Variants in SF3A1 observed in about 807,000 individuals in gnomAD.
The protein encoded by SF3A1 is splicing factor 3a subunit 1, also known as SAP 114.
SF3A1 carries 13 observed loss-of-function variants against 89.9 expected under a neutral mutation model. That is an observed-to-expected ratio of 0.14 (90% CI 0.09 to 0.23). The LOEUF (loss-of-function observed/expected upper bound fraction) is 0.23, where lower values mean the gene tolerates loss of function less well. Among genes scored for constraint, SF3A1 ranks in the 10% least tolerant of loss-of-function variants. The probability of loss-of-function intolerance (pLI) is 1.00; values close to 1 mark genes in which losing one functional copy is unlikely to be tolerated. For synonymous variants in SF3A1, 405 were observed against 374.4 expected (o/e 1.08, Z -0.94); for missense variants, 604 against 1,022.1 (o/e 0.59, Z 5.58).
chr22:30,352,947 T>C lies in SF3A1; in HGVS notation c.185+4A>G. On this transcript the variant is annotated splice_donor_region_variant and intron_variant, in intron 2 of 15. Coordinates refer to ENST00000215793, the MANE Select transcript of SF3A1 (RefSeq NM_005877.6). Reference sequence around the variant, plus strand: ...CCTCTGACCCACCCAAGTAGCTCTGTTACCTGGCCACAAAGCTGGCAGTCT... The same window carrying C: ...CCTCTGACCCACCCAAGTAGCTCTGCTACCTGGCCACAAAGCTGGCAGTCT... 6.2e-7 allele frequency: 1 copy of C among 1,614,056 alleles called. No homozygotes were observed. Among genetic ancestry groups the C allele is most frequent in the Non-Finnish European group, 8.5e-7 (1 of 1,179,908 alleles).
At chr22:30,347,535 A>G (rs1201533858) in intron 2 of SF3A1, among the ~76,000 whole-genome samples, 5 of 152,182 alleles carry the variant, frequency 3.3e-5, no homozygotes, top group African/African-American at 1.2e-4. Flanking sequence ...CCATGTCCCC[A>G]GCAAGCCTTC....
intron 1 of SF3A1, among the ~76,000 whole-genome samples, chr22:30,355,873 T>C (rs548290674): frequency 1.6e-5 from 2 of 127,536 alleles, no homozygotes; most frequent in South Asian, 2.6e-4. Context: ...ATGTGTTCAA[T>C]AAATATTTGC....
chr22:30,347,547 A>G (rs1267927074), intron 2 of SF3A1, among the ~76,000 whole-genome samples: 1 of 152,184 alleles, frequency 6.6e-6, no homozygotes, highest in Non-Finnish European at 1.5e-5. Flanking sequence ...CAAGCCTTCA[A>G]AACCTCAGGA....
intron 2 of SF3A1, among the ~76,000 whole-genome samples, chr22:30,350,153 C>T (rs1931541931): frequency 6.6e-6 from 1 of 151,826 alleles, no homozygotes; most frequent in South Asian, 2.1e-4. Flanking sequence ...GCTTAATTTG[C>T]CAAAATGAAA....
chr22:30,340,628 G>A lies in SF3A1; in HGVS notation c.1189+67C>T, dbSNP rs534546801. 358 of 1,010,632 alleles carry A rather than the reference G, an allele frequency of 3.5e-4. 1 individual carries two copies. The highest frequency in any genetic ancestry group is 4.9e-4 in the Non-Finnish European group (319 of 646,510). 62.6% of individuals were successfully genotyped at this position (1,010,632 alleles called of 1,614,324 possible). A position where few individuals can be genotyped will look rare whatever the true frequency, so the allele number is the denominator to read the frequency against. On this transcript the variant is annotated intron_variant, in intron 8 of 15. Transcript: ENST00000215793. ...CAAGCCCTCCTAGAAAGACGGGTGT[G>A]AGGAACACATGAGGGCACACAGGAC...
At chr22:30,356,174 C>T (rs903849705) in intron 1 of SF3A1, among the ~76,000 whole-genome samples, 2 of 152,190 alleles carry the variant, frequency 1.3e-5, no homozygotes, top group Admixed American at 6.5e-5. Context: ...TGAGCATTCT[C>T]ATATGTCTGT....
At chr22:30,348,083 G>A (rs976509501) in intron 2 of SF3A1, among the ~76,000 whole-genome samples, 12 of 152,190 alleles carry the variant, frequency 7.9e-5, no homozygotes, top group African/African-American at 2.7e-4. Context: ...GCGCTTAAGC[G>A]CCTTGGCCTC....
At chr22:30,335,279 C>T (rs558821756) in intron 15 of SF3A1, among the ~76,000 whole-genome samples, 188 bp downstream of exon 15, 7 of 152,266 alleles carry the variant, frequency 4.6e-5, no homozygotes, top group African/African-American at 1.7e-4. Flanking sequence ...GTGACCCCAC[C>T]AGAGCCTTGC....
chr22:30,345,218 G>A (rs1050209810), intron 3 of SF3A1, 28 bp from the exon 4 acceptor site: 2 of 1,602,478 alleles, frequency 1.2e-6, no homozygotes, highest in African/African-American at 2.7e-5. Flanking sequence ...TATGAGGCGA[G>A]AGGCACAGGG....
At chr22:30,339,075 A>C (rs1391555491) in intron 10 of SF3A1, 41 bp from the exon 11 acceptor site, 1 of 1,613,840 alleles carries the variant, frequency 6.2e-7, no homozygotes, top group South Asian at 1.1e-5. Flanking sequence ...TGGAACTAAG[A>C]CCAAGTATGG....
intron 12 of SF3A1, 120 bp from the exon 13 acceptor site, chr22:30,337,300 G>T: frequency 2.0e-6 from 2 of 1,004,182 alleles, no homozygotes; most frequent in Non-Finnish European, 2.9e-6. Flanking sequence ...GTCAAGTGCT[G>T]TTCCCTGCTA....
Position 30,342,333 on chromosome 22 carries a change from T to C in SF3A1, c.744A>G (p.Glu248=), listed in dbSNP as rs755468248. ...EVLDQVCYRV[E]WAKFQERERK... ...TCTCACGTTCCTGGAATTTGGCCCATTCCACTCGGTAACACACCTGCAGAG... is the reference window on the plus strand; with the variant it reads ...TCTCACGTTCCTGGAATTTGGCCCACTCCACTCGGTAACACACCTGCAGAG... Residue 248 remains glutamate, a synonymous_variant, in exon 6 of 16, where the codon GAA becomes GAG. Transcript: ENST00000215793. 1.2e-6 allele frequency: 2 copies of C among 1,610,524 alleles called. No homozygotes were observed. Among genetic ancestry groups the C allele is most frequent in the South Asian group, 2.2e-5 (2 of 90,446 alleles).
chr22:30,335,184 C>G (rs1442701575), intron 15 of SF3A1, among the ~76,000 whole-genome samples: 1 of 152,186 alleles, frequency 6.6e-6, no homozygotes, highest in Non-Finnish European at 1.5e-5. Context: ...AGGAACCCAC[C>G]AGAGCATGCC....
At chr22:30,351,689 G>C (rs1432693722) in intron 2 of SF3A1, among the ~76,000 whole-genome samples, 1 of 152,040 alleles carries the variant, frequency 6.6e-6, no homozygotes, top group African/African-American at 2.4e-5. Context: ...TTGTAGACAG[G>C]GTCTCACTAT....
chr22:30,356,485 G>A, intron 1 of SF3A1: 1 of 393,628 alleles, frequency 2.5e-6, no homozygotes, highest in Non-Finnish European at 4.5e-6. Context: ...CTACGGCGGA[G>A]ACTCCACATT....
chr22:30,342,362 G>A lies in SF3A1; in HGVS notation c.727-12C>T, dbSNP rs1931286208. 1.9e-6 allele frequency: 3 copies of A among 1,592,436 alleles called. No homozygotes were observed. In the South Asian group the frequency reaches 3.4e-5, roughly 18 times the overall value. ...ACTCGGTAACACACCTGCAGAGATGGGAAACAGCTTGGTGCTACGCTGAAG... is the reference window on the plus strand; with the variant it reads ...ACTCGGTAACACACCTGCAGAGATGAGAAACAGCTTGGTGCTACGCTGAAG... On this transcript the variant is annotated splice_polypyrimidine_tract_variant and intron_variant, in intron 5 of 15. Coordinates refer to ENST00000215793, the MANE Select transcript of SF3A1 (RefSeq NM_005877.6).
Position 30,346,410 on chromosome 22 carries a change from T to C in SF3A1, c.295A>G (p.Ser99Gly), listed in dbSNP as rs1215364567. ...TGAGCCTTCCCTTCCTTGAACTCGCTGACCTTGTGGCGGTAGTAGGCATGG... is the reference window on the plus strand; with the variant it reads ...TGAGCCTTCCCTTCCTTGAACTCGCCGACCTTGTGGCGGTAGTAGGCATGG... Reference protein sequence around the residue: ...PYHAYYRHKVSEFKEGKAQEP... With the variant: ...PYHAYYRHKVGEFKEGKAQEP... The change falls in exon 3 of 16, where the codon AGC (serine) becomes GGC (glycine). Residue 99 changes from serine to glycine, a missense_variant. By Grantham distance (56) the Ser-to-Gly change is moderately conservative (BLOSUM62 0). Around this residue, in one of 9 missense-constraint regions of SF3A1, gnomAD observed 162 missense variants for 229.2 expected, o/e 0.71. Transcript: ENST00000215793. 6.2e-7 allele frequency: 1 copy of C among 1,614,172 alleles called. No homozygotes were observed. The highest frequency in any genetic ancestry group is 1.7e-5 in the Admixed American group (1 of 60,028).
chr22:30,353,793 G>C (rs996672350), intron 1 of SF3A1, among the ~76,000 whole-genome samples: 1 of 152,030 alleles, frequency 6.6e-6, no homozygotes, highest in African/African-American at 2.4e-5. Context: ...TCTTTAATCC[G>C]GTGTCTGAGG....
chr22:30,345,960 C>A (rs1931405076), intron 3 of SF3A1, among the ~76,000 whole-genome samples: 1 of 152,072 alleles, frequency 6.6e-6, no homozygotes, highest in Non-Finnish European at 1.5e-5. Flanking sequence ...TCAGCACAGC[C>A]AAGTAGGAAG....
Sources: allele counts gnomAD v4.1 joint callset (sites outside exome capture counted in the v4.1 genomes callset), GRCh38; gene constraint gnomAD v4.1.1; regional missense constraint gnomAD v4.1.1; transcripts MANE v1.5; gene names NCBI Gene and HGNC (gene_info 2026-07-23, HGNC 2026-07-21).